Variants in XNDC1N observed in about 807,000 individuals in gnomAD.
XNDC1N encodes the protein protein XNDC1N.
chr11:71,885,447 GC>G, the XNDC1N span, among the ~76,000 whole-genome samples: 1 of 152,128 alleles, frequency 6.6e-6, no homozygotes, highest in African/African-American at 2.4e-5. Context: ...GGGAGTAATA[GC>G]ATTTTCTTCT....
chr11:71,904,527 ATCTC>A, the XNDC1N span, among the ~76,000 whole-genome samples: 4,884 of 152,232 alleles, frequency 0.032, 75 homozygotes, highest in East Asian at 0.077. Flanking sequence ...TTGAAGTCAT[ATCTC>A]TCTATGAGAT....
the XNDC1N span, among the ~76,000 whole-genome samples, chr11:71,888,206 A>G: frequency 6.6e-6 from 1 of 152,206 alleles, no homozygotes; most frequent in Non-Finnish European, 1.5e-5. Flanking sequence ...ATCTGCTGAC[A>G]GAAGGTATGT....
chr11:71,885,424 T>G, the XNDC1N span, among the ~76,000 whole-genome samples: 1 of 152,188 alleles, frequency 6.6e-6, no homozygotes, highest in Non-Finnish European at 1.5e-5. Context: ...GGGTGTACAC[T>G]TCCTGCGATG....
chr11:71,916,946 C>T, the XNDC1N span: 1 of 160,030 alleles, frequency 6.2e-6, no homozygotes, highest in African/African-American at 2.4e-5. Flanking sequence ...ACTATGTAGC[C>T]TTCCATCACT....
the XNDC1N span, among the ~76,000 whole-genome samples, chr11:71,888,629 GT>G: frequency 6.6e-6 from 1 of 152,210 alleles, no homozygotes; most frequent in Non-Finnish European, 1.5e-5. Context: ...ACTAGACGGG[GT>G]TTCTAAAGGA....
the XNDC1N span, chr11:71,917,635 C>T: frequency 1.3e-5 from 9 of 703,426 alleles, no homozygotes; most frequent in Admixed American, 4.0e-5. Context: ...TTTAAACATG[C>T]GGACCCCGGA....
the XNDC1N span, among the ~76,000 whole-genome samples, chr11:71,908,112 C>T: frequency 6.6e-6 from 1 of 152,176 alleles, no homozygotes; most frequent in Non-Finnish European, 1.5e-5. Context: ...GGTGGGTATA[C>T]ACCCACTGAG....
At chr11:71,887,590 A>G in the XNDC1N span, among the ~76,000 whole-genome samples, 4,392 of 150,480 alleles carry the variant, frequency 0.029, no homozygotes, top group East Asian at 0.063. Context: ...GGGCCCTGCC[A>G]GTGAGGCAAA....
chr11:71,922,369 C>G, the XNDC1N span, among the ~76,000 whole-genome samples: 1 of 152,188 alleles, frequency 6.6e-6, no homozygotes, highest in Non-Finnish European at 1.5e-5. Flanking sequence ...GTGGCACAAT[C>G]ATGGCTCACT....
the XNDC1N span, chr11:71,918,900 CA>C: frequency 1.4e-6 from 1 of 702,776 alleles, no homozygotes; most frequent in Non-Finnish European, 2.6e-6. Context: ...TCAATGTAGC[CA>C]GTGGGCACTG....
the XNDC1N span, chr11:71,904,122 A>AT: frequency 2.0e-6 from 1 of 495,976 alleles, no homozygotes; most frequent in South Asian, 1.4e-5. Context: ...GCGCAGTCTA[A>AT]TCTCAATATC....
the XNDC1N span, among the ~76,000 whole-genome samples, chr11:71,924,964 C>T: frequency 6.6e-6 from 1 of 152,064 alleles, no homozygotes; most frequent in South Asian, 2.1e-4. Context: ...TGATATACTC[C>T]TGGCCATAAT....
At chr11:71,911,233 G>C in the XNDC1N span, among the ~76,000 whole-genome samples, 2 of 152,238 alleles carry the variant, frequency 1.3e-5, no homozygotes, top group Non-Finnish European at 2.9e-5. Context: ...GGACATCATT[G>C]GCTAACGAAT....
At chr11:71,913,665 T>TTAAAAA in the XNDC1N span, among the ~76,000 whole-genome samples, 1 of 105,346 alleles carries the variant, frequency 9.5e-6, no homozygotes, top group Non-Finnish European at 2.0e-5. Context: ...TCTCAAAAGA[T>TTAAAAA]AAAAAAAAAA....
the XNDC1N span, among the ~76,000 whole-genome samples, chr11:71,871,874 A>T: frequency 9.9e-5 from 15 of 152,222 alleles, no homozygotes; most frequent in Admixed American, 9.2e-4. Context: ...TATGTCCATG[A>T]AGATGTGGCT....
chr11:71,923,183 T>C, the XNDC1N span: 1 of 672,816 alleles, frequency 1.5e-6, no homozygotes, highest in East Asian at 2.7e-5. Flanking sequence ...TTTCTTCTCT[T>C]AGACTCTGAA....
chr11:71,892,369 C>T, the XNDC1N span, among the ~76,000 whole-genome samples: 1 of 151,976 alleles, frequency 6.6e-6, no homozygotes, highest in Non-Finnish European at 1.5e-5. Flanking sequence ...TATCAGGAGT[C>T]GTATCTCTGT....
At chr11:71,872,465 AG>A in the XNDC1N span, among the ~76,000 whole-genome samples, 4 of 152,170 alleles carry the variant, frequency 2.6e-5, no homozygotes, top group African/African-American at 9.7e-5. Context: ...CTTAAGAAAT[AG>A]GAATTATCAC....
the XNDC1N span, among the ~76,000 whole-genome samples, chr11:71,897,783 T>G: frequency 6.6e-6 from 1 of 151,898 alleles, no homozygotes; most frequent in Middle Eastern, 3.4e-3. Flanking sequence ...AGCAGCATTA[T>G]TCACAACAGC....
Sources: gnomAD v4.1 joint callset for allele counts (sites outside exome capture counted in the v4.1 genomes callset) on GRCh38, gnomAD v4.1.1 for gene constraint, MANE v1.5 for transcripts, NCBI Gene and HGNC (gene_info 2026-07-23, HGNC 2026-07-21) for gene names.